CCDC102B: variants seen among roughly 807,000 people sequenced by gnomAD.
CCDC102B encodes the protein coiled-coil domain containing 102B, also known as coiled-coil domain-containing protein 102B.
A neutral mutation model predicts 57.4 loss-of-function variants in CCDC102B; 75 were observed. That is an observed-to-expected ratio of 1.31 (90% CI 1.08 to 1.58). The LOEUF is 1.58. Ranked by LOEUF, CCDC102B falls within the 40% of genes most tolerant of loss-of-function variation. The pLI is 0.00. For missense variants in CCDC102B, 636 were observed against 582.6 expected, an observed-to-expected ratio of 1.09 and a Z score of -0.94; for synonymous variants, 206 against 201.9, an observed-to-expected ratio of 1.02 and a Z score of -0.17.
rs377703135 is a variant in CCDC102B, at chr18:68,837,389, A to C, written c.606+20A>C. The C allele has an allele frequency of 6.3e-7, 1 of 1,589,704 alleles. No individual in the cohort carries two copies. Among genetic ancestry groups the C allele is most frequent in the Admixed American group, 1.8e-5 (1 of 56,980 alleles). Reference sequence around the variant, plus strand: ...AATAAGGTAAGAAAAAAATCCAGAGATGATGTGAATTTCTGAAGGTCATAT... The same window carrying C: ...AATAAGGTAAGAAAAAAATCCAGAGCTGATGTGAATTTCTGAAGGTCATAT... On this transcript the variant is annotated intron_variant, in intron 2 of 7. Coordinates refer to ENST00000360242, the MANE Select transcript of CCDC102B (RefSeq NM_024781.3).
intron 2 of CCDC102B, among the ~76,000 whole-genome samples, chr18:68,779,728 A>G (rs1416030600): frequency 1.3e-5 from 2 of 152,088 alleles, no homozygotes; most frequent in Non-Finnish European, 2.9e-5. Flanking sequence ...GACTGTAGAG[A>G]TGAGTTACAT....
intron 6 of CCDC102B, among the ~76,000 whole-genome samples, chr18:68,911,559 T>A (rs992169765): frequency 6.7e-6 from 1 of 150,008 alleles, no homozygotes; most frequent in Non-Finnish European, 1.5e-5. Flanking sequence ...GAGACCATCC[T>A]GGCTAACACG....
At chr18:68,954,947 C>G (rs1278562881) in intron 6 of CCDC102B, among the ~76,000 whole-genome samples, 1 of 152,136 alleles carries the variant, frequency 6.6e-6, no homozygotes, top group Non-Finnish European at 1.5e-5. Flanking sequence ...TGCTGTCTTA[C>G]AACAATGACA....
intron 2 of CCDC102B, among the ~76,000 whole-genome samples, chr18:68,780,731 G>A (rs1237800081): frequency 6.6e-6 from 1 of 151,880 alleles, no homozygotes; most frequent in Non-Finnish European, 1.5e-5. Flanking sequence ...CGTGTTTCTG[G>A]GCCCTACTCT....
At chr18:68,853,591 G>A (rs1438160455) in intron 4 of CCDC102B, among the ~76,000 whole-genome samples, 2 of 139,632 alleles carry the variant, frequency 1.4e-5, no homozygotes, top group African/African-American at 2.7e-5. Flanking sequence ...AATGGTATTT[G>A]TGAGCTTTCC....
intron 4 of CCDC102B, among the ~76,000 whole-genome samples, chr18:68,852,811 A>AT (rs2038192258): frequency 1.3e-5 from 2 of 152,130 alleles, no homozygotes; most frequent in South Asian, 4.1e-4. Context: ...TTTGTTTTTG[A>AT]ACGAAACGAT....
At chr18:68,979,303 T>C (rs932898507) in intron 6 of CCDC102B, among the ~76,000 whole-genome samples, 2 of 152,010 alleles carry the variant, frequency 1.3e-5, no homozygotes, top group East Asian at 1.9e-4. Flanking sequence ...GGAGAAAATA[T>C]CAAAGCAATA....
intron 2 of CCDC102B, among the ~76,000 whole-genome samples, chr18:68,756,346 A>G (rs2034049821): frequency 6.6e-6 from 1 of 152,186 alleles, no homozygotes; most frequent in Non-Finnish European, 1.5e-5. Context: ...CTATTCTATC[A>G]ATACAAAAGA....
intron 6 of CCDC102B, among the ~76,000 whole-genome samples, chr18:68,949,886 A>G (rs1417811822): frequency 1.3e-5 from 2 of 152,154 alleles, no homozygotes; most frequent in African/African-American, 4.8e-5. Context: ...TTGGATAACT[A>G]TACATGTTTT....
intron 3 of CCDC102B, among the ~76,000 whole-genome samples, chr18:68,840,426 C>A (rs1445807628): frequency 1.3e-5 from 2 of 152,058 alleles, no homozygotes; most frequent in Non-Finnish European, 2.9e-5. Context: ...CCACCAATTC[C>A]CTTTTTCAGA....
chr18:68,776,872 G>C (rs1055267433), intron 2 of CCDC102B, among the ~76,000 whole-genome samples: 2 of 152,176 alleles, frequency 1.3e-5, no homozygotes, highest in Non-Finnish European at 2.9e-5. Flanking sequence ...TAGTCTCAAA[G>C]AATTCTAATA....
intron 6 of CCDC102B, among the ~76,000 whole-genome samples, chr18:68,958,157 G>A (rs145070847): frequency 6.6e-6 from 1 of 152,108 alleles, no homozygotes; most frequent in African/African-American, 2.4e-5. Context: ...AGAACAGCAT[G>A]GGAAAGACCT....
chr18:68,972,827 A>G (rs1262713728), intron 6 of CCDC102B, among the ~76,000 whole-genome samples: 1 of 152,046 alleles, frequency 6.6e-6, no homozygotes, highest in Non-Finnish European at 1.5e-5. Flanking sequence ...TTTCTCCTTC[A>G]TCTAATTGTT....
At chr18:68,799,322 C>G (rs59282520) in intron 1 of CCDC102B, among the ~76,000 whole-genome samples, 1 of 152,016 alleles carries the variant, frequency 6.6e-6, no homozygotes, top group Non-Finnish European at 1.5e-5. Context: ...CCAAAATATC[C>G]TATGTTCTTA....
At chr18:68,937,853 C>T (rs753634261) in intron 6 of CCDC102B, among the ~76,000 whole-genome samples, 50 of 151,856 alleles carry the variant, frequency 3.3e-4, no homozygotes, top group Middle Eastern at 3.4e-3. Flanking sequence ...TGAGAGCATG[C>T]GATGTTTGGT....
At chr18:68,837,819 T>C (rs2037450657) in intron 2 of CCDC102B, among the ~76,000 whole-genome samples, 1 of 152,204 alleles carries the variant, frequency 6.6e-6, no homozygotes, top group South Asian at 2.1e-4. Context: ...GATATGTATA[T>C]GTATCCTTCG....
intron 1 of CCDC102B, among the ~76,000 whole-genome samples, chr18:68,832,383 T>C (rs915321515): frequency 2.6e-5 from 4 of 152,170 alleles, no homozygotes; most frequent in Non-Finnish European, 5.9e-5. Context: ...ATTGTTAGTT[T>C]GGTTTATTGT....
At chr18:68,933,315 A>G (rs2041741385) in intron 6 of CCDC102B, among the ~76,000 whole-genome samples, 1 of 151,774 alleles carries the variant, frequency 6.6e-6, no homozygotes, top group South Asian at 2.1e-4. Context: ...TCTTTTTGCT[A>G]TTTTTTTCAC....
intron 6 of CCDC102B, among the ~76,000 whole-genome samples, chr18:68,949,243 A>G (rs989067181): frequency 2.6e-5 from 4 of 152,148 alleles, no homozygotes; most frequent in African/African-American, 7.2e-5. Context: ...AATACGTTGT[A>G]TCCTTCAATC....
Sources: allele counts gnomAD v4.1 joint callset (sites outside exome capture counted in the v4.1 genomes callset), GRCh38; gene constraint gnomAD v4.1.1; transcripts MANE v1.5; gene names NCBI Gene and HGNC (gene_info 2026-07-23, HGNC 2026-07-21).